The following PPP4R2 variants were observed in gnomAD, a reference collection of about 807,000 sequenced individuals.
PPP4R2 encodes the protein serine/threonine-protein phosphatase 4 regulatory subunit 2.
Under a neutral mutation model 47.2 loss-of-function variants are expected in PPP4R2, and 13 were observed. That is an observed-to-expected ratio of 0.28 (90% CI 0.18 to 0.44). The LOEUF (loss-of-function observed/expected upper bound fraction) is 0.44. Among genes scored for constraint, PPP4R2 ranks in the 20% least tolerant of loss-of-function variants. The pLI is 1.00. For missense variants in PPP4R2, 421 were observed against 491.2 expected (o/e 0.86, Z 1.35); for synonymous variants, 151 against 163.3 (o/e 0.92, Z 0.57).
chr3:73,000,377 A>G (rs972137862), intron 2 of PPP4R2, among the ~76,000 whole-genome samples: 1 of 152,214 alleles, frequency 6.6e-6, no homozygotes, highest in African/African-American at 2.4e-5. Context: ...TCACTGATGC[A>G]TTATAGCAAG....
At position 73,063,698 on chromosome 3, in the gene PPP4R2, C is replaced by G. The variant is rs1371372795; in HGVS notation, c.445C>G (p.Arg149Gly). Residue 149 changes from arginine (R) to glycine (G), a missense_variant, in exon 6 of 9, where the codon CGA becomes GGA. Around this residue, in one of 2 missense-constraint regions of PPP4R2, gnomAD observed 104 missense variants for 203.7 expected, o/e 0.51. Transcript: ENST00000356692. ...GAAAAACAATTCCAATAGTTTAAAT[C>G]GAATGAATGGTGTTATGTTTCCTGG... ...SEKNNSNSLN[R>G]MNGVMFPGNS... 6 of 1,594,904 alleles carry G rather than the reference C, an allele frequency of 3.8e-6. No homozygotes were observed. The highest frequency in any genetic ancestry group is 4.3e-6 in the Non-Finnish European group (5 of 1,162,962).
At chr3:73,027,232 T>A (rs981367617) in intron 2 of PPP4R2, among the ~76,000 whole-genome samples, 2 of 152,220 alleles carry the variant, frequency 1.3e-5, no homozygotes, top group Admixed American at 6.5e-5. Flanking sequence ...GTTGAAGCTC[T>A]TCCCCTGCCT....
At chr3:72,999,515 T>A (rs1455568133) in intron 2 of PPP4R2, among the ~76,000 whole-genome samples, 1 of 152,262 alleles carries the variant, frequency 6.6e-6, no homozygotes, top group East Asian at 1.9e-4. Context: ...ATATACAAGA[T>A]GATATCAAAC....
intron 3 of PPP4R2, among the ~76,000 whole-genome samples, chr3:73,057,677 G>A (rs898432376): frequency 6.6e-6 from 1 of 152,058 alleles, no homozygotes; most frequent in African/African-American, 2.4e-5. Context: ...CTTATACTTT[G>A]AACATAAGAA....
At chr3:73,026,706 T>G (rs1045830903) in intron 2 of PPP4R2, among the ~76,000 whole-genome samples, 2 of 152,170 alleles carry the variant, frequency 1.3e-5, no homozygotes, top group Non-Finnish European at 2.9e-5. Flanking sequence ...TTGCGATTTT[T>G]TTTTAAAAAA....
chr3:73,061,131 ATTC>A, intron 5 of PPP4R2, 71 bp downstream of exon 5: 2 of 671,802 alleles, frequency 3.0e-6, no homozygotes. Flanking sequence ...CTAATATATT[ATTC>A]TTAAAATAGA....
intron 5 of PPP4R2, chr3:73,061,666 A>G (rs1463714886): frequency 5.5e-6 from 1 of 180,652 alleles, no homozygotes; most frequent in Non-Finnish European, 1.1e-5. Context: ...TGTGAAAGGC[A>G]GGGAGGGGAG....
chr3:73,004,844 G>GGT (rs751819640), intron 2 of PPP4R2, among the ~76,000 whole-genome samples: 2,552 of 99,520 alleles, frequency 0.026, 48 homozygotes, highest in Non-Finnish European at 0.034. Context: ...TACAGTGTGG[G>GGT]GTGTGTGTGT....
Position 73,066,628 on chromosome 3 carries a change from A to C in PPP4R2, c.*906A>C, listed in dbSNP as rs1703002408. ...AGCTGATATGAGACCATCTCAGAAG[A>C]ACCAAGTAGGTTCCTTGACCTTTTG... is the stretch of plus-strand genomic sequence containing the variant. On this transcript the variant is annotated 3_prime_UTR_variant, in exon 9 of 9. Coordinates refer to ENST00000356692, the MANE Select transcript of PPP4R2 (RefSeq NM_174907.4). The C allele has an allele frequency of 6.6e-6, 1 of 152,106 alleles. No individual in the cohort carries two copies. Among genetic ancestry groups the C allele is most frequent in the South Asian group, 2.1e-4 (1 of 4,834 alleles). The allele number at this position is 152,106 out of a possible 1,614,324, so 9.4% of individuals were successfully genotyped here.
chr3:73,009,247 G>A (rs1456672703), intron 2 of PPP4R2, among the ~76,000 whole-genome samples: 2 of 152,192 alleles, frequency 1.3e-5, no homozygotes, highest in African/African-American at 2.4e-5. Flanking sequence ...GCGACTACGA[G>A]TGGGGAATGG....
chr3:73,009,285 G>A (rs1701675975), intron 2 of PPP4R2, among the ~76,000 whole-genome samples: 1 of 152,224 alleles, frequency 6.6e-6, no homozygotes, highest in Admixed American at 6.5e-5. Context: ...TAGTGTTAAA[G>A]TGTCTGATAA....
chr3:73,065,509 G>C lies in PPP4R2; in HGVS notation c.1041G>C (p.Glu347Asp), dbSNP rs1265706367. 1 of 1,611,696 alleles carries C rather than the reference G, an allele frequency of 6.2e-7. No homozygotes were observed. Among genetic ancestry groups the C allele is most frequent in the Non-Finnish European group, 8.5e-7 (1 of 1,179,690 alleles). The change falls in exon 9 of 9, where the codon GAG (glutamate) becomes GAC (aspartate). Residue 347 changes from glutamate to aspartate, a missense_variant. Around this residue, in one of 2 missense-constraint regions of PPP4R2, gnomAD observed 317 missense variants for 287.5 expected, o/e 1.10. Transcript: ENST00000356692. ...CTTCTGAGGAAAATAATCAAATGGA[G>C]GAATCTGATGTGTCTCAAGCTGAGA... ...EETSEENNQM[E>D]ESDVSQAEKD...
At chr3:73,060,796 TA>T (rs1440641567) in intron 4 of PPP4R2, among the ~76,000 whole-genome samples, 2 of 151,844 alleles carry the variant, frequency 1.3e-5, no homozygotes, top group African/African-American at 4.8e-5. Context: ...AAAATAAGTA[TA>T]GGAAAAAAAA....
chr3:73,020,997 A>G (rs756121703), intron 2 of PPP4R2, among the ~76,000 whole-genome samples: 3 of 152,144 alleles, frequency 2.0e-5, no homozygotes, highest in Non-Finnish European at 4.4e-5. Flanking sequence ...GGTGTGGGGC[A>G]GGCGGGTAAG....
chr3:73,059,245 C>A, intron 4 of PPP4R2, 115 bp downstream of exon 4: 1 of 573,116 alleles, frequency 1.7e-6, no homozygotes, highest in Non-Finnish European at 3.0e-6. Flanking sequence ...TGTTTTTCAG[C>A]CTACCTTGAG....
chr3:73,031,667 G>A (rs1354985201), intron 2 of PPP4R2, among the ~76,000 whole-genome samples: 2 of 152,186 alleles, frequency 1.3e-5, no homozygotes, highest in African/African-American at 4.8e-5. Flanking sequence ...GATATTTAAA[G>A]TGCCTTTAGA....
At chr3:73,033,100 A>G (rs904642717) in intron 2 of PPP4R2, among the ~76,000 whole-genome samples, 1 of 152,184 alleles carries the variant, frequency 6.6e-6, no homozygotes, top group Non-Finnish European at 1.5e-5. Flanking sequence ...ATACCATATC[A>G]TGCTCTTTCT....
intron 2 of PPP4R2, among the ~76,000 whole-genome samples, chr3:73,011,263 T>TGAGGTCAG (rs1701719678): frequency 6.6e-6 from 1 of 152,172 alleles, no homozygotes; most frequent in African/African-American, 2.4e-5. Flanking sequence ...GTGGATCATC[T>TGAGGTCAG]GAGGTCAGGA....
intron 1 of PPP4R2, chr3:72,997,346 A>C (rs988738053): frequency 5.9e-6 from 2 of 337,138 alleles, no homozygotes. Flanking sequence ...CCACCCGTTC[A>C]GGGGACGAGT....
Sources: allele counts gnomAD v4.1 joint callset (sites outside exome capture counted in the v4.1 genomes callset), GRCh38; gene constraint gnomAD v4.1.1; regional missense constraint gnomAD v4.1.1; transcripts MANE v1.5; gene names NCBI Gene and HGNC (gene_info 2026-07-23, HGNC 2026-07-21).